Variants in AXL observed in about 807,000 individuals in gnomAD.
The protein encoded by AXL is AXL receptor tyrosine kinase.
A neutral mutation model predicts 104.5 loss-of-function variants in AXL; 52 were observed. The observed-to-expected ratio is 0.50, with a 90% CI of 0.40 to 0.63. AXL has a LOEUF of 0.63. Ranked by LOEUF, AXL falls within the 20% of genes least tolerant of loss-of-function variation. AXL has a pLI of 0.00. For missense variants in AXL, 1,024 were observed against 1,188.5 expected, an observed-to-expected ratio of 0.86 and a Z score of 2.04; for synonymous variants, 455 against 473.7, an observed-to-expected ratio of 0.96 and a Z score of 0.51.
chr19:41,232,778 G>A (rs1487914979), intron 6 of AXL, among the ~76,000 whole-genome samples: 1 of 152,132 alleles, frequency 6.6e-6, no homozygotes, highest in African/African-American at 2.4e-5. Flanking sequence ...GTAGATGACA[G>A]TAATGAAGAA....
Position 41,248,732 on chromosome 19 carries a change from GC to G in AXL, c.1634-5del, listed in dbSNP as rs1206524200. The G allele has an allele frequency of 3.1e-6, 5 of 1,613,974 alleles. No individual in the cohort carries two copies. The highest frequency in any genetic ancestry group is 4.2e-6 in the Non-Finnish European group (5 of 1,179,990). On this transcript the variant is annotated splice_polypyrimidine_tract_variant and intron_variant, in intron 13 of 19. Transcript: ENST00000301178. ...CCTCTGAGGTCAGTGTCTCCCTCTG[GC>G]CCCCCACAGGAGAGTTTGGAGCTGT...
Position 41,260,881 on chromosome 19 carries a change from G to A in AXL, c.*977G>A, listed in dbSNP as rs988448102. 6.6e-6 allele frequency: 1 copy of A among 152,130 alleles called. No homozygotes were observed. Among genetic ancestry groups the A allele is most frequent in the African/African-American group, 2.4e-5 (1 of 41,426 alleles). 9.4% of individuals were successfully genotyped at this position (152,130 alleles called of 1,614,324 possible). ...GATGTTCTAAGGCTCTGAGAGTCTA[G>A]ATTCTCTGGCTGTAAGGCTCTAGAT... On this transcript the variant is annotated 3_prime_UTR_variant, in exon 20 of 20. Transcript: ENST00000301178.
intron 12 of AXL, among the ~76,000 whole-genome samples, chr19:41,244,102 G>A (rs2034231645): frequency 6.6e-6 from 1 of 152,062 alleles, no homozygotes; most frequent in South Asian, 2.1e-4. Context: ...TACTCGGGAG[G>A]CTGAGGTAGG....
chr19:41,257,180 A>G (rs945388764), intron 18 of AXL, among the ~76,000 whole-genome samples: 2 of 151,932 alleles, frequency 1.3e-5, no homozygotes, highest in Non-Finnish European at 2.9e-5. Context: ...AGTAGCTGGG[A>G]TTACAGGCGC....
In AXL at chr19:41,252,139, ATT is replaced by A. The variant is rs139305066; in HGVS notation, c.1712-209_1712-208del. On this transcript the variant is annotated intron_variant, in intron 14 of 19. Coordinates refer to ENST00000301178, the MANE Select transcript of AXL (RefSeq NM_021913.5). ...AAAAAAAAAAAAAAAGAAAATATATATTTTATATATATATATATATTATATAC... is the reference window on the plus strand; with the variant it reads ...AAAAAAAAAAAAAAAGAAAATATATATTATATATATATATATATTATATAC... Among the ~76,000 whole-genome samples, 13,132 of 144,806 alleles carry A rather than the reference ATT, an allele frequency of 0.091. 701 individuals carry two copies. Among genetic ancestry groups the A allele is most frequent in the Non-Finnish European group, 0.12 (7,713 of 66,314 alleles). 95.0% of individuals were successfully genotyped at this position (144,806 alleles called of 152,430 possible).
At chr19:41,239,666 A>G in intron 9 of AXL, 28 bp from the exon 10 acceptor site, 1 of 1,613,944 alleles carries the variant, frequency 6.2e-7, no homozygotes, top group East Asian at 2.2e-5. Context: ...CTCTGAGCAC[A>G]TCTCCTCTCT....
chr19:41,250,006 G>A (rs749958156), intron 14 of AXL, among the ~76,000 whole-genome samples: 2 of 152,172 alleles, frequency 1.3e-5, no homozygotes, highest in Non-Finnish European at 2.9e-5. Flanking sequence ...AGAAGCTCTA[G>A]AATGAGGCAT....
chr19:41,222,506 G>A (rs890661482), intron 4 of AXL, among the ~76,000 whole-genome samples: 3 of 152,054 alleles, frequency 2.0e-5, no homozygotes, highest in South Asian at 2.1e-4. Context: ...CTCCACAACC[G>A]GCCCACCTCC....
chr19:41,232,996 T>C (rs540737181), intron 6 of AXL, among the ~76,000 whole-genome samples: 3 of 152,018 alleles, frequency 2.0e-5, no homozygotes, highest in Admixed American at 6.6e-5. Context: ...TTTTTTCTTT[T>C]CTTTTTTTTT....
rs1213594103 is a variant in AXL, at chr19:41,242,871, AC to A, written c.1313-7del. 6 of 1,613,758 alleles carry A rather than the reference AC, an allele frequency of 3.7e-6. 1 individual carries two copies. Among genetic ancestry groups the A allele is most frequent in the Middle Eastern group, 3.3e-4 (2 of 6,060 alleles). ...GCTTCATCCATGACCTGTTCCTCAT[AC>A]CCCCTGATAGTGAAGGAACCTTCAA... is the stretch of plus-strand genomic sequence containing the variant. On this transcript the variant is annotated splice_polypyrimidine_tract_variant and intron_variant, in intron 10 of 19. Coordinates refer to ENST00000301178, the MANE Select transcript of AXL (RefSeq NM_021913.5).
chr19:41,220,260 TTATCTC>T, intron 1 of AXL: 1 of 176,238 alleles, frequency 5.7e-6, no homozygotes, highest in Non-Finnish European at 1.1e-5. Context: ...ACCACCACCC[TTATCTC>T]TCTCCCCCAA....
At chr19:41,246,012 A>G (rs2034265550) in intron 12 of AXL, among the ~76,000 whole-genome samples, 1 of 152,170 alleles carries the variant, frequency 6.6e-6, no homozygotes, top group African/African-American at 2.4e-5. Flanking sequence ...TTTTCATACT[A>G]TTACCAAGAC....
rs1749937005 is a variant in AXL, at chr19:41,261,424, T to G, written c.*1520T>G. 6.6e-6 allele frequency: 1 copy of G among 152,578 alleles called. No homozygotes were observed. The allele number at this position is 152,578 out of a possible 1,614,324, so 9.5% of individuals were successfully genotyped here. On this transcript the variant is annotated 3_prime_UTR_variant, in exon 20 of 20. Coordinates refer to ENST00000301178, the MANE Select transcript of AXL (RefSeq NM_021913.5). ...TAAAATCTTATAGTTCTAGGCACTG[T>G]AGTTCTAAGACTCAAATGTTCTAAG...
At chr19:41,229,724 G>A (rs1157897446) in intron 4 of AXL, among the ~76,000 whole-genome samples, 1 of 152,196 alleles carries the variant, frequency 6.6e-6, no homozygotes, top group Non-Finnish European at 1.5e-5. Context: ...CATGCTTCAT[G>A]TATGTGTTCC....
chr19:41,253,694 G>A lies in AXL; in HGVS notation c.2022G>A (p.Ala674=), dbSNP rs138641156. The A allele has an allele frequency of 2.2e-5, 36 of 1,612,686 alleles. No individual in the cohort carries two copies. Among genetic ancestry groups the A allele is most frequent in the African/African-American group, 2.7e-5 (2 of 74,710 alleles). The part of the protein sequence containing the change: ...STKRFIHRDL[A]ARNCMLNENM... The stretch of plus-strand genomic sequence containing the variant: ...AGAGATTCATACACCGGGACCTGGC[G>A]GCCAGGAACTGCATGTGAGTGCCTT... The change falls in exon 17 of 20, where the codon GCG becomes GCA. Residue 674 remains alanine, a synonymous_variant. Transcript: ENST00000301178.
At chr19:41,255,382 C>G (rs1349440860) in intron 17 of AXL, among the ~76,000 whole-genome samples, 1 of 144,158 alleles carries the variant, frequency 6.9e-6, no homozygotes, top group Non-Finnish European at 1.5e-5. Context: ...CTCTCTTTAT[C>G]TCCTTCCTTC....
chr19:41,249,466 A>G (rs1253795551), intron 14 of AXL, among the ~76,000 whole-genome samples: 9 of 151,660 alleles, frequency 5.9e-5, no homozygotes, highest in Non-Finnish European at 1.3e-4. Context: ...AAAAAATAAA[A>G]CACACATGGC....
At chr19:41,249,314 G>T (rs948090037) in intron 14 of AXL, among the ~76,000 whole-genome samples, 1 of 152,106 alleles carries the variant, frequency 6.6e-6, no homozygotes, top group Non-Finnish European at 1.5e-5. Flanking sequence ...AATTAGCTGG[G>T]CATGGTGGCA....
chr19:41,258,003 C>G (rs1401459625), intron 19 of AXL, among the ~76,000 whole-genome samples: 2 of 152,264 alleles, frequency 1.3e-5, no homozygotes, highest in Non-Finnish European at 2.9e-5. Flanking sequence ...CGACATGCTC[C>G]TCAACACCTG....
Sources: gnomAD v4.1 joint callset for allele counts (sites outside exome capture counted in the v4.1 genomes callset) on GRCh38, gnomAD v4.1.1 for gene constraint, MANE v1.5 for transcripts, NCBI Gene and HGNC (gene_info 2026-07-23, HGNC 2026-07-21) for gene names.